Variants in NXN observed in about 807,000 individuals in gnomAD.
NXN encodes the protein nucleoredoxin 1.
NXN carries 16 observed loss-of-function variants against 48.6 expected under a neutral mutation model. The ratio of observed to expected loss-of-function variants is 0.33; its 90% CI spans 0.22 to 0.50. The LOEUF (loss-of-function observed/expected upper bound fraction) is 0.50, where lower values mean the gene tolerates loss of function less well. Ranked by LOEUF, NXN falls within the 20% of genes least tolerant of loss-of-function variation. The pLI is 0.98. For missense variants in NXN, 492 were observed against 605.5 expected (o/e 0.81, Z 1.97); for synonymous variants, 281 against 269.6 (o/e 1.04, Z -0.41).
intron 1 of NXN, among the ~76,000 whole-genome samples, chr17:969,243 C>T (rs1222051019): frequency 6.6e-6 from 1 of 152,162 alleles, no homozygotes; most frequent in Non-Finnish European, 1.5e-5. Flanking sequence ...CCCTAAGAGG[C>T]TGGTACCATC....
rs998258013 is a variant in NXN at position 927,916 on chromosome 17, C to G, written c.360+51403G>C. Reference sequence around the variant, plus strand: ...TTATACCACCTGGACTCTCACCAACCCCAGCTGCTTGTGTTAACAAAGTCA... The same window carrying G: ...TTATACCACCTGGACTCTCACCAACGCCAGCTGCTTGTGTTAACAAAGTCA... On this transcript the variant is annotated intron_variant, in intron 1 of 7. Transcript: ENST00000336868. Among the ~76,000 whole-genome samples, 27 of 151,998 alleles carry G rather than the reference C, an allele frequency of 1.8e-4. 1 individual carries two copies. The highest frequency in any genetic ancestry group is 1.0e-4 in the Non-Finnish European group (7 of 68,030).
chr17:844,988 C>T (rs865886404), intron 1 of NXN, among the ~76,000 whole-genome samples: 5 of 152,106 alleles, frequency 3.3e-5, no homozygotes, highest in South Asian at 4.1e-4. Flanking sequence ...CACCAGGGCT[C>T]ATCCCAGCAC....
chr17:970,942 A>G (rs1181966269), intron 1 of NXN, among the ~76,000 whole-genome samples: 4 of 143,798 alleles, frequency 2.8e-5, no homozygotes, highest in Non-Finnish European at 4.5e-5. Flanking sequence ...CAGATATGAG[A>G]CTCTTTTTTT....
At position 920,434 on chromosome 17, in the gene NXN, C is replaced by T. The variant is rs866670156; in HGVS notation, c.360+58885G>A. ...AAGGCCAATGTAGCCTTGGGGATGC[C>T]GAGCCTGCCTGATCCCAATTCCTCC... is the stretch of plus-strand genomic sequence containing the variant. On this transcript the variant is annotated intron_variant, in intron 1 of 7. Coordinates refer to ENST00000336868, the MANE Select transcript of NXN (RefSeq NM_022463.5). The surrounding 1 kb of genome is among the most constrained non-coding windows in gnomAD (Gnocchi z 4.6). Among the ~76,000 whole-genome samples the T allele has an allele frequency of 1.3e-5, 2 of 152,020 alleles. No individual in the cohort carries two copies. The highest frequency in any genetic ancestry group is 3.9e-4 in the East Asian group (2 of 5,162).
intron 1 of NXN, among the ~76,000 whole-genome samples, chr17:937,560 T>C (rs1223023397): frequency 2.0e-5 from 3 of 152,316 alleles, no homozygotes; most frequent in East Asian, 3.9e-4. Flanking sequence ...TCCGAGGCTA[T>C]TGCCGGTTCA....
intron 1 of NXN, among the ~76,000 whole-genome samples, chr17:844,302 G>A (rs1432203453): frequency 7.7e-6 from 1 of 130,590 alleles, no homozygotes; most frequent in East Asian, 2.7e-4. Context: ...GCCATCACAC[G>A]TCCCGTCCTG....
intron 1 of NXN, among the ~76,000 whole-genome samples, chr17:897,928 A>C (rs9908724): frequency 6.6e-6 from 1 of 151,940 alleles, no homozygotes. Context: ...TGATCCGCCC[A>C]CCTCGGCCTC....
At chr17:939,470 C>T (rs1272298051) in intron 1 of NXN, among the ~76,000 whole-genome samples, 1 of 151,752 alleles carries the variant, frequency 6.6e-6, no homozygotes, top group African/African-American at 2.4e-5. Flanking sequence ...CTTATCCTCC[C>T]CAGTAGCAGG....
intron 1 of NXN, chr17:959,078 C>CGGTGTGGCTGGAGGCGCGTCGACCTGATG (rs1567519914): frequency 3.4e-6 from 1 of 296,180 alleles, no homozygotes; most frequent in Non-Finnish European, 6.4e-6. Context: ...TCATCACGGG[C>CGGTGTGGCTGGAGGCGCGTCGACCTGATG]GGTGTGGCTG....
At chr17:864,016 G>T in intron 1 of NXN, 1 of 1,531,506 alleles carries the variant, frequency 6.5e-7, no homozygotes, top group Non-Finnish European at 8.7e-7. Context: ...CACAGTTACC[G>T]TTGCTGGGTT....
At chr17:923,552 T>C (rs1002259152) in intron 1 of NXN, among the ~76,000 whole-genome samples, 2 of 152,160 alleles carry the variant, frequency 1.3e-5, no homozygotes, top group African/African-American at 4.8e-5. Context: ...AATTTTAAAA[T>C]AAAGGCCATC....
At position 823,614 on chromosome 17, in the gene NXN, G is replaced by C. The variant is rs771225131; in HGVS notation, c.612+18C>G. ...ACTGCTTCCTTCTGTCTGAGCCAAA[G>C]GGGGTCCAAACACTCACCCAATGTG... On this transcript the variant is annotated intron_variant, in intron 3 of 7. Transcript: ENST00000336868. 1.2e-6 allele frequency: 2 copies of C among 1,613,670 alleles called. No homozygotes were observed. Among genetic ancestry groups the C allele is most frequent in the Non-Finnish European group, 8.5e-7 (1 of 1,179,824 alleles).
intron 1 of NXN, among the ~76,000 whole-genome samples, chr17:880,404 A>C (rs2068270730): frequency 6.6e-6 from 1 of 152,146 alleles, no homozygotes; most frequent in Non-Finnish European, 1.5e-5. Context: ...TCTTAATAAG[A>C]ACTTCTTTGT....
At position 819,514 on chromosome 17, in the gene NXN, C is replaced by T. The variant is rs1417141742; in HGVS notation, c.745G>A (p.Glu249Lys). ...SEESFKQYFS[E>K]MPWLAVPYTD... The stretch of plus-strand genomic sequence containing the variant: ...TAGGGGACGGCGAGCCAGGGCATCT[C>T]ACTGAAGTACTGTTTGAAGGACTCC... The change falls in exon 5 of 8, where the codon GAG becomes AAG. Residue 249 changes from glutamate to lysine, a missense_variant. Glu to Lys is a moderately conservative substitution (Grantham distance 56). Coordinates refer to ENST00000336868, the MANE Select transcript of NXN (RefSeq NM_022463.5). The T allele has an allele frequency of 6.2e-7, 1 of 1,611,352 alleles. No individual in the cohort carries two copies. The highest frequency in any genetic ancestry group is 1.1e-5 in the South Asian group (1 of 90,820).
chr17:896,856 C>CCGGGGGGGGGGGGG, intron 1 of NXN: 2 of 1,156,932 alleles, frequency 1.7e-6, no homozygotes, highest in Non-Finnish European at 1.1e-6. Context: ...CGGTCCTGAC[C>CCGGGGGGGGGGGGG]ACCCGCCCCC....
rs1443151548 is a variant in NXN at position 810,181 on chromosome 17, C to T, written c.821-4934G>A. On this transcript the variant is annotated intron_variant, in intron 5 of 7. Coordinates refer to ENST00000336868, the MANE Select transcript of NXN (RefSeq NM_022463.5). ...GTGCACGTTACGAGTCTGTGACTGG[C>T]GTGCATGTTACGAGTCTGTGAGTGG... Among the ~76,000 whole-genome samples, 22 of 74,020 alleles carry T rather than the reference C, an allele frequency of 3.0e-4. 2 individuals carry two copies. Among genetic ancestry groups the T allele is most frequent in the African/African-American group, 2.6e-4 (5 of 18,974 alleles). 48.6% of individuals were successfully genotyped at this position (74,020 alleles called of 152,430 possible). A position where few individuals can be genotyped will look rare whatever the true frequency, so the allele number is the denominator to read the frequency against.
intron 1 of NXN, chr17:879,776 T>A (rs1026787598): frequency 6.6e-5 from 10 of 152,126 alleles, no homozygotes; most frequent in African/African-American, 1.9e-4. Flanking sequence ...AGGTGTCTCT[T>A]TCTAGCCTCC....
chr17:893,066 T>C (rs1026236324), intron 1 of NXN, among the ~76,000 whole-genome samples: 5 of 152,270 alleles, frequency 3.3e-5, no homozygotes, highest in Admixed American at 2.0e-4. Flanking sequence ...CAATTAAAAA[T>C]TTAAAGTCTT....
In NXN at chr17:835,664, CGA is replaced by C. The variant is rs541677680; in HGVS notation, c.361-9588_361-9587del. Among the ~76,000 whole-genome samples the C allele has an allele frequency of 3.7e-3, 563 of 152,110 alleles. 1 individual carries two copies. The highest frequency in any genetic ancestry group is 6.2e-3 in the Non-Finnish European group (424 of 68,002). ...AACCGGGAAACGGTAAAAATGCCAA[CGA>C]GAAAGTCCAGCAAATCTGAAACACC... On this transcript the variant is annotated intron_variant, in intron 1 of 7. Coordinates refer to ENST00000336868, the MANE Select transcript of NXN (RefSeq NM_022463.5).
Sources: gnomAD v4.1 joint callset for allele counts (sites outside exome capture counted in the v4.1 genomes callset) on GRCh38, gnomAD v4.1.1 for gene constraint, Gnocchi (gnomAD v3.1) non-coding constraint, MANE v1.5 for transcripts, NCBI Gene and HGNC (gene_info 2026-07-23, HGNC 2026-07-21) for gene names.